NALF1: variants seen among roughly 807,000 people sequenced by gnomAD.
NALF1 encodes the protein NALCN channel auxiliary factor 1, also known as family with sequence similarity 155 member A.
NALF1 carries 3 observed loss-of-function variants against 48.4 expected under a neutral mutation model. That is an observed-to-expected ratio of 0.06 (90% CI 0.03 to 0.16). The LOEUF (loss-of-function observed/expected upper bound fraction) is 0.16, where lower values mean the gene tolerates loss of function less well. Among genes scored for constraint, NALF1 ranks in the 10% least tolerant of loss-of-function variants. The pLI, the probability that NALF1 is intolerant of heterozygous loss-of-function variation, is 1.00. For missense variants in NALF1, 526 were observed against 571.5 expected, an observed-to-expected ratio of 0.92 and a Z score of 0.81; for synonymous variants, 262 against 245.7, an observed-to-expected ratio of 1.07 and a Z score of -0.62.
At position 107,865,555 on chromosome 13, in the gene NALF1, A is replaced by G. The variant is rs996775878; in HGVS notation, c.915+127T>C. On this transcript the variant is annotated intron_variant, in intron 1 of 2. Coordinates refer to ENST00000375915, the MANE Select transcript of NALF1 (RefSeq NM_001080396.3). ...TCTCAAACAGCAAGCCAAGCTCTTA[A>G]TAACCGCAGAAAACACAAAGTAACA... 4.6e-6 allele frequency: 6 copies of G among 1,298,948 alleles called. No homozygotes were observed. In the African/African-American group the frequency reaches 8.9e-5, roughly 19 times the overall value. The allele number at this position is 1,298,948 out of a possible 1,614,324, so 80.5% of individuals were successfully genotyped here. A position where few individuals can be genotyped will look rare whatever the true frequency, so the allele number is the denominator to read the frequency against.
intron 1 of NALF1, among the ~76,000 whole-genome samples, chr13:107,779,048 T>C (rs1877816552): frequency 6.6e-6 from 1 of 152,248 alleles, no homozygotes; most frequent in South Asian, 2.1e-4. Flanking sequence ...GGTCGAGATT[T>C]ATGAGAAGCT....
At chr13:107,460,267 A>G (rs530489090) in intron 1 of NALF1, among the ~76,000 whole-genome samples, 1 of 152,348 alleles carries the variant, frequency 6.6e-6, no homozygotes, top group African/African-American at 2.4e-5. Flanking sequence ...TTTGTCCCCA[A>G]GTGGCACAGC....
chr13:107,577,861 G>A (rs1000710361), intron 1 of NALF1, among the ~76,000 whole-genome samples: 1 of 151,994 alleles, frequency 6.6e-6, no homozygotes, highest in African/African-American at 2.4e-5. Flanking sequence ...TTCATCGCTT[G>A]AGTGGGCTCC....
At chr13:107,714,638 A>AAAAAAAAAG (rs1242014876) in intron 1 of NALF1, among the ~76,000 whole-genome samples, 1 of 151,290 alleles carries the variant, frequency 6.6e-6, no homozygotes, top group Non-Finnish European at 1.5e-5. Flanking sequence ...AAAAAAAAAA[A>AAAAAAAAAG]AGAAAGATAA....
chr13:107,175,033 G>A (rs1460627105), intron 2 of NALF1, among the ~76,000 whole-genome samples: 35 of 110,962 alleles, frequency 3.2e-4, no homozygotes, highest in African/African-American at 1.3e-3. Context: ...ACAGGCGCCC[G>A]CCACGACGCC....
At chr13:107,447,052 T>C (rs576108068) in intron 1 of NALF1, among the ~76,000 whole-genome samples, 1 of 152,270 alleles carries the variant, frequency 6.6e-6, no homozygotes, top group African/African-American at 2.4e-5. Flanking sequence ...CGTATTGGGA[T>C]TTGCATTTGA....
intron 1 of NALF1, among the ~76,000 whole-genome samples, chr13:107,809,562 T>C (rs1878921845): frequency 1.3e-5 from 2 of 152,162 alleles, no homozygotes; most frequent in African/African-American, 2.4e-5. Context: ...TGCTTCCTTT[T>C]CTGCACAGCA....
intron 1 of NALF1, among the ~76,000 whole-genome samples, chr13:107,448,030 T>G (rs1884679360): frequency 6.6e-6 from 1 of 152,204 alleles, no homozygotes; most frequent in Admixed American, 6.5e-5. Flanking sequence ...CTCTGCCTTG[T>G]GCCTACATTC....
chr13:107,310,350 C>G (rs990327896), intron 1 of NALF1, among the ~76,000 whole-genome samples: 2 of 148,276 alleles, frequency 1.3e-5, no homozygotes, highest in African/African-American at 5.0e-5. Flanking sequence ...GCAGAGGTTA[C>G]AGCGAGGCAA....
rs377468247 is a variant in NALF1, at chr13:107,490,871, C to T, written c.916-280116G>A. Among the ~76,000 whole-genome samples, 6 of 152,240 alleles carry T rather than the reference C, an allele frequency of 3.9e-5. No homozygotes were observed. The East Asian group carries it at 7.7e-4, about 20-fold the overall frequency. On this transcript the variant is annotated intron_variant, in intron 1 of 2. Transcript: ENST00000375915. ...GAAATATTTAATCAATTTCACTAAA[C>T]TCCTGCACATTCTGCAAAGACAAGA...
chr13:107,464,135 G>A (rs1884961910), intron 1 of NALF1, among the ~76,000 whole-genome samples: 2 of 151,968 alleles, frequency 1.3e-5, no homozygotes, highest in African/African-American at 2.4e-5. Flanking sequence ...CATTTCCCAA[G>A]CTATGTTACC....
At chr13:107,527,522 T>A (rs1488944399) in intron 1 of NALF1, among the ~76,000 whole-genome samples, 1 of 152,150 alleles carries the variant, frequency 6.6e-6, no homozygotes, top group African/African-American at 2.4e-5. Context: ...CCATGGCTGA[T>A]AATTAAATAC....
intron 2 of NALF1, among the ~76,000 whole-genome samples, chr13:107,206,788 G>T (rs1041885646): frequency 1.3e-5 from 2 of 152,154 alleles, no homozygotes; most frequent in African/African-American, 4.8e-5. Flanking sequence ...ATGCTCACAT[G>T]GACAGTATCT....
chr13:107,245,587 T>C (rs1880565356), intron 1 of NALF1, among the ~76,000 whole-genome samples: 1 of 152,194 alleles, frequency 6.6e-6, no homozygotes, highest in South Asian at 2.1e-4. Context: ...AAATATTCTT[T>C]TTGCTGTTTT....
chr13:107,455,347 A>G (rs1443285332), intron 1 of NALF1, among the ~76,000 whole-genome samples: 1 of 151,858 alleles, frequency 6.6e-6, no homozygotes, highest in Non-Finnish European at 1.5e-5. Context: ...TCTATGTTTA[A>G]GAAAATCTTT....
intron 1 of NALF1, among the ~76,000 whole-genome samples, chr13:107,810,556 C>T (rs751650690): frequency 6.6e-6 from 1 of 152,128 alleles, no homozygotes; most frequent in Non-Finnish European, 1.5e-5. Flanking sequence ...TATATTTATA[C>T]ACAAATGTCC....
chr13:107,164,916 T>C lies in NALF1; in HGVS notation c.*5581A>G, dbSNP rs1878628030. The C allele has an allele frequency of 6.6e-6, 1 of 152,168 alleles. No homozygotes were observed. Among genetic ancestry groups the C allele is most frequent in the African/African-American group, 2.4e-5 (1 of 41,450 alleles). 9.4% of individuals were successfully genotyped at this position (152,168 alleles called of 1,614,324 possible). A position where few individuals can be genotyped will look rare whatever the true frequency, so the allele number is the denominator to read the frequency against. ...TTTGTGAATGAATAGTCATGATAAC[T>C]AACTACTACTGAGCACCTGTTTTGT... On this transcript the variant is annotated 3_prime_UTR_variant, in exon 3 of 3. Coordinates refer to ENST00000375915, the MANE Select transcript of NALF1 (RefSeq NM_001080396.3).
At chr13:107,649,844 A>T (rs1161317450) in intron 1 of NALF1, among the ~76,000 whole-genome samples, 1 of 152,148 alleles carries the variant, frequency 6.6e-6, no homozygotes, top group Non-Finnish European at 1.5e-5. Flanking sequence ...AGTCTATACC[A>T]AAAAAGGTGA....
At chr13:107,293,936 C>G (rs982750058) in intron 1 of NALF1, among the ~76,000 whole-genome samples, 1 of 152,156 alleles carries the variant, frequency 6.6e-6, no homozygotes, top group African/African-American at 2.4e-5. Context: ...GCATAGAAGG[C>G]AAGAGTGGCA....
Sources: gnomAD v4.1 joint callset for allele counts (sites outside exome capture counted in the v4.1 genomes callset) on GRCh38, gnomAD v4.1.1 for gene constraint, MANE v1.5 for transcripts, NCBI Gene and HGNC (gene_info 2026-07-23, HGNC 2026-07-21) for gene names.